PHLPP2: variants seen among roughly 807,000 people sequenced by gnomAD.
PHLPP2 encodes PH domain leucine-rich repeat-containing protein phosphatase 2.
Under a neutral mutation model 124.9 loss-of-function variants are expected in PHLPP2, and 66 were observed. The ratio of observed to expected loss-of-function variants is 0.53; its 90% confidence interval spans 0.43 to 0.65. The LOEUF (loss-of-function observed/expected upper bound fraction) is 0.65, where lower values mean the gene tolerates loss of function less well. Ranked by LOEUF, PHLPP2 falls within the 30% of genes least tolerant of loss-of-function variation. PHLPP2 has a pLI of 0.00. For synonymous variants in PHLPP2, 681 were observed against 624.7 expected (o/e 1.09, Z -1.34); for missense variants, 1,685 against 1,600.4 (o/e 1.05, Z -0.90).
rs2044972756 is a variant in PHLPP2, at chr16:71,678,995, GAAAAC to G, written c.1038-15_1038-11del. ...ACAGAGGGTTTGAAGACTATAGGAA[GAAAAC>G]AAAACAAGTCTACTTTATGAAAGGT... On this transcript the variant is annotated splice_polypyrimidine_tract_variant and intron_variant, in intron 7 of 18. Coordinates refer to ENST00000568954, the MANE Select transcript of PHLPP2 (RefSeq NM_015020.3). 2 of 1,458,046 alleles carry G rather than the reference GAAAAC, an allele frequency of 1.4e-6. No homozygotes were observed. Among genetic ancestry groups the G allele is most frequent in the Admixed American group, 1.7e-5 (1 of 59,334 alleles). 90.3% of individuals were successfully genotyped at this position (1,458,046 alleles called of 1,614,324 possible).
intron 12 of PHLPP2, among the ~76,000 whole-genome samples, chr16:71,664,516 A>C (rs1291291990): frequency 6.6e-6 from 1 of 152,184 alleles, no homozygotes; most frequent in Non-Finnish European, 1.5e-5. Flanking sequence ...TGGGAGGCTG[A>C]GGTGGGCAGA....
intron 3 of PHLPP2, among the ~76,000 whole-genome samples, chr16:71,694,392 C>G (rs11865683): frequency 0.46 from 69,099 of 151,024 alleles, 16,290 homozygotes; most frequent in South Asian, 0.64. Flanking sequence ...ACCTGGGAGG[C>G]CGAGCTTGCA....
intron 16 of PHLPP2, 69 bp from the exon 17 acceptor site, chr16:71,655,503 C>CTTTTT (rs1224203746): frequency 1.3e-6 from 1 of 795,566 alleles, no homozygotes; most frequent in Non-Finnish European, 1.9e-6. Context: ...AGGGAGCATT[C>CTTTTT]TTTTTTTTTT....
chr16:71,677,955 A>C (rs2044962491), intron 8 of PHLPP2: 1 of 152,180 alleles, frequency 6.6e-6, no homozygotes, highest in Non-Finnish European at 1.5e-5. Flanking sequence ...ACTTTTTTCA[A>C]CCTACTAGAC....
rs563102474 is a variant in PHLPP2, at chr16:71,667,436, C to T, written c.1629-103G>A. The T allele has an allele frequency of 6.0e-5, 53 of 882,606 alleles. 2 individuals are homozygous for T. The highest frequency in any genetic ancestry group is 5.6e-4 in the African/African-American group (33 of 59,254). 54.7% of individuals were successfully genotyped at this position (882,606 alleles called of 1,614,324 possible). A position where few individuals can be genotyped will look rare whatever the true frequency, so the allele number is the denominator to read the frequency against. ...ACTGAAATTAGTTAACTTATAGAAA[C>T]ATATTCTCCTAGATTGTATACTCAC... On this transcript the variant is annotated intron_variant, in intron 11 of 18. Coordinates refer to ENST00000568954, the MANE Select transcript of PHLPP2 (RefSeq NM_015020.3).
chr16:71,703,712 C>T (rs1300059757), intron 2 of PHLPP2, among the ~76,000 whole-genome samples: 1 of 152,202 alleles, frequency 6.6e-6, no homozygotes, highest in East Asian at 1.9e-4. Context: ...TTTACTCTCA[C>T]TGTTTTAAAT....
intron 2 of PHLPP2, among the ~76,000 whole-genome samples, chr16:71,703,365 T>G (rs1007766433): frequency 2.0e-5 from 3 of 152,204 alleles, no homozygotes; most frequent in African/African-American, 7.2e-5. Flanking sequence ...TAATTCACCT[T>G]AAAATAACTC....
At chr16:71,721,769 A>AC (rs1280158157) in intron 1 of PHLPP2, among the ~76,000 whole-genome samples, 2 of 151,984 alleles carry the variant, frequency 1.3e-5, no homozygotes, top group Non-Finnish European at 2.9e-5. Flanking sequence ...CTAAAAAAAA[A>AC]CCATAAACCC....
chr16:71,706,230 T>G (rs746047829), intron 2 of PHLPP2, among the ~76,000 whole-genome samples: 7 of 152,174 alleles, frequency 4.6e-5, no homozygotes, highest in African/African-American at 1.4e-4. Context: ...CCATGTAAAT[T>G]TGAATATATA....
At chr16:71,704,802 C>G (rs368942460) in intron 2 of PHLPP2, among the ~76,000 whole-genome samples, 17 of 152,276 alleles carry the variant, frequency 1.1e-4, no homozygotes, top group African/African-American at 3.4e-4. Flanking sequence ...ATTTTCCCAG[C>G]ACAATGGTGG....
chr16:71,715,852 C>T (rs929497675), intron 1 of PHLPP2, among the ~76,000 whole-genome samples: 8 of 150,820 alleles, frequency 5.3e-5, no homozygotes, highest in Non-Finnish European at 7.4e-5. Flanking sequence ...AAAAATTAGC[C>T]GAGTGTGGTG....
chr16:71,650,021 G>C lies in PHLPP2; in HGVS notation c.2841C>G (p.Thr947=). ...TACAGCCCAGCATCCGGGTACAGCA[G>C]GTTACCCCATTCACTTTGTTGTCCT... ...ITEDNKVNGV[T]CCTRMLGCTY... is the part of the protein sequence containing the mutation. The change falls in exon 19 of 19, where the codon ACC becomes ACG. Residue 947 remains threonine (T), a synonymous_variant. Coordinates refer to ENST00000568954, the MANE Select transcript of PHLPP2 (RefSeq NM_015020.3). 6.2e-7 allele frequency: 1 copy of C among 1,608,314 alleles called. No homozygotes were observed. The highest frequency in any genetic ancestry group is 8.5e-7 in the Non-Finnish European group (1 of 1,179,060).
chr16:71,655,571 T>C, intron 16 of PHLPP2, 137 bp from the exon 17 acceptor site: 4 of 605,874 alleles, frequency 6.6e-6, no homozygotes, highest in Non-Finnish European at 1.1e-5. Context: ...GGCATGATCT[T>C]GCCTCACTGC....
intron 4 of PHLPP2, among the ~76,000 whole-genome samples, chr16:71,690,070 G>A (rs1175947695): frequency 6.6e-6 from 1 of 152,110 alleles, no homozygotes; most frequent in Non-Finnish European, 1.5e-5. Flanking sequence ...CCTTTCCTGG[G>A]ATGGAGACTC....
intron 3 of PHLPP2, among the ~76,000 whole-genome samples, chr16:71,694,185 C>T (rs1376233970): frequency 6.8e-6 from 1 of 146,194 alleles, no homozygotes; most frequent in African/African-American, 2.5e-5. Flanking sequence ...CAGAGCAATA[C>T]TGTCTCAAAA....
At chr16:71,714,865 C>A in intron 1 of PHLPP2, 64 bp from the exon 2 acceptor site, 1 of 1,530,788 alleles carries the variant, frequency 6.5e-7, no homozygotes, top group Admixed American at 2.0e-5. Context: ...ACATTTCAGT[C>A]CTCACCCCAC....
In PHLPP2 at chr16:71,648,737, C is replaced by T; in HGVS notation, c.*153G>A. On this transcript the variant is annotated 3_prime_UTR_variant, in exon 19 of 19. Transcript: ENST00000568954. ...AGTGACCCGAGACCCCACCATTGCA[C>T]TCCAGCCTGAGCGACTGAGCAAGAC... The T allele has an allele frequency of 1.6e-6, 1 of 638,046 alleles. No homozygotes were observed. Among genetic ancestry groups the T allele is most frequent in the Non-Finnish European group, 2.7e-6 (1 of 368,070 alleles). 39.5% of individuals were successfully genotyped at this position (638,046 alleles called of 1,614,324 possible).
At position 71,653,020 on chromosome 16, in the gene PHLPP2, T is replaced by C. The variant is rs2044708617; in HGVS notation, c.2587A>G (p.Lys863Glu). 9 of 1,608,256 alleles carry C rather than the reference T, an allele frequency of 5.6e-6. No individual in the cohort carries two copies. The highest frequency in any genetic ancestry group is 6.8e-6 in the Non-Finnish European group (8 of 1,176,964). Residue 863 changes from lysine (K) to glutamate (E), a missense_variant and splice_region_variant, in exon 18 of 19, where the codon AAA becomes GAA. Lys to Glu is a moderately conservative substitution (Grantham distance 56). Transcript: ENST00000568954. ...MANTFLVSHR[K>E]LGMAGQKLGS... ...AACTTCTGGCCAGCCATTCCTAATT[T>C]CCTGTTCAGAAAGAAAAGGAAAAGA...
At chr16:71,663,475 A>C (rs1245326554) in intron 13 of PHLPP2, among the ~76,000 whole-genome samples, 7 of 152,188 alleles carry the variant, frequency 4.6e-5, no homozygotes, top group African/African-American at 1.7e-4. Flanking sequence ...TCCCAATTTG[A>C]CTATACATTC....
Sources: allele counts gnomAD v4.1 joint callset (sites outside exome capture counted in the v4.1 genomes callset), GRCh38; gene constraint gnomAD v4.1.1; transcripts MANE v1.5; gene names NCBI Gene and HGNC (gene_info 2026-07-23, HGNC 2026-07-21).